Variants in NTF3 observed in about 807,000 individuals in gnomAD.
NTF3 encodes the protein neurotrophin-3.
Under a neutral mutation model 26.3 loss-of-function variants are expected in NTF3, and 8 were observed. The observed-to-expected ratio is 0.30, with a 90% CI of 0.18 to 0.55. The LOEUF (loss-of-function observed/expected upper bound fraction) is 0.55, where lower values mean the gene tolerates loss of function less well. NTF3 is among the 20% of genes least tolerant of loss of function. The pLI is 0.93. For missense variants in NTF3, 276 were observed against 352.9 expected (o/e 0.78, Z 1.75); for synonymous variants, 154 against 145.5 (o/e 1.06, Z -0.42).
At chr12:5,451,450 C>A (rs1425564305) in intron 1 of NTF3, among the ~76,000 whole-genome samples, 1 of 152,140 alleles carries the variant, frequency 6.6e-6, no homozygotes. Context: ...AACAGCTAAG[C>A]CTTTGGGGAT....
rs1010219103 is a variant in NTF3 at position 5,456,477 on chromosome 12, G to C, written c.18+24135G>C. ...AAGAGTACTTAATCCATCCCCACTT[G>C]TGGGGCCAACGGCACCTAACCACCT... is the stretch of plus-strand genomic sequence containing the variant. On this transcript the variant is annotated intron_variant, in intron 1 of 1. Transcript: ENST00000423158. The surrounding 1 kb of genome is among the most constrained non-coding windows in gnomAD (Gnocchi z 4.4). 4.6e-5 allele frequency among the ~76,000 whole-genome samples: 7 copies of C among 152,108 alleles called. No homozygotes were observed. Among genetic ancestry groups the C allele is most frequent in the African/African-American group, 1.7e-4 (7 of 41,408 alleles).
At chr12:5,493,069 G>A (rs1487681863) in intron 1 of NTF3, among the ~76,000 whole-genome samples, 1 of 152,192 alleles carries the variant, frequency 6.6e-6, no homozygotes, top group Non-Finnish European at 1.5e-5. Flanking sequence ...TCTCAAGGAG[G>A]TGGACGAATT....
intron 1 of NTF3, among the ~76,000 whole-genome samples, chr12:5,463,292 ACTGT>A (rs1410591028): frequency 6.6e-6 from 1 of 152,220 alleles, no homozygotes; most frequent in Non-Finnish European, 1.5e-5. Context: ...TTCTGAATCA[ACTGT>A]CTTTTTTCTG....
chr12:5,468,927 C>G lies in NTF3; in HGVS notation c.19-25267C>G, dbSNP rs974322444. On this transcript the variant is annotated intron_variant, in intron 1 of 1. Transcript: ENST00000423158. ...CTTTAGCCCAGGAGTAAGAGACCAG[C>G]CTGGGCAACATGGCAAAACCCCATC... Among the ~76,000 whole-genome samples, 10 of 152,102 alleles carry G rather than the reference C, an allele frequency of 6.6e-5. No individual in the cohort carries two copies. In the South Asian group the frequency reaches 2.1e-3, roughly 32 times the overall value.
intron 1 of NTF3, among the ~76,000 whole-genome samples, chr12:5,462,764 A>T (rs1453975229): frequency 6.6e-6 from 1 of 152,188 alleles, no homozygotes; most frequent in Non-Finnish European, 1.5e-5. Context: ...CTTCCTTGTT[A>T]CCCTGGAAGG....
chr12:5,478,448 C>A (rs1331270946), intron 1 of NTF3, among the ~76,000 whole-genome samples: 1 of 151,082 alleles, frequency 6.6e-6, no homozygotes, highest in Non-Finnish European at 1.5e-5. Flanking sequence ...ATGTCCAGAC[C>A]CTTCCGTCTG....
chr12:5,466,257 T>TGC (rs1940587532), intron 1 of NTF3, among the ~76,000 whole-genome samples: 1 of 152,206 alleles, frequency 6.6e-6, no homozygotes, highest in Non-Finnish European at 1.5e-5. Flanking sequence ...CCTAAACGGC[T>TGC]AACCCAAGTC....
chr12:5,475,906 A>C (rs1940717725), intron 1 of NTF3, among the ~76,000 whole-genome samples: 1 of 139,708 alleles, frequency 7.2e-6, no homozygotes, highest in Non-Finnish European at 1.7e-5. Context: ...AAGAGAAAGA[A>C]AGAAAGAAAG....
chr12:5,434,446 AG>A (rs1441473537), intron 1 of NTF3, among the ~76,000 whole-genome samples: 3 of 150,504 alleles, frequency 2.0e-5, no homozygotes, highest in Non-Finnish European at 4.4e-5. Flanking sequence ...GTGAGTGGTC[AG>A]GGAGGGATGG....
In NTF3 at chr12:5,457,711, T is replaced by G. The variant is rs537657790; in HGVS notation, c.18+25369T>G. ...TGTCTTTGTAGGCTCCTAAACTCAG[T>G]GTATGCTAAGCTGAACAGGGGCTCC... is the stretch of plus-strand genomic sequence containing the variant. On this transcript the variant is annotated intron_variant, in intron 1 of 1. Coordinates refer to ENST00000423158, the MANE Select transcript of NTF3 (RefSeq NM_001102654.2). Among the ~76,000 whole-genome samples the G allele has an allele frequency of 3.3e-5, 5 of 152,316 alleles. No individual in the cohort carries two copies. The South Asian group carries it at 1.0e-3, about 32-fold the overall frequency.
chr12:5,492,439 G>A (rs1216050870), intron 1 of NTF3, among the ~76,000 whole-genome samples: 2 of 152,180 alleles, frequency 1.3e-5, no homozygotes, highest in Non-Finnish European at 2.9e-5. Context: ...TGTAATCCTA[G>A]TTGTATGCCA....
At chr12:5,482,854 C>T (rs1940823875) in intron 1 of NTF3, among the ~76,000 whole-genome samples, 2 of 150,940 alleles carry the variant, frequency 1.3e-5, no homozygotes, top group African/African-American at 2.4e-5. Context: ...CTCTTTATCT[C>T]TCTGTCTCTC....
At chr12:5,467,928 A>C (rs1940613262) in intron 1 of NTF3, among the ~76,000 whole-genome samples, 1 of 151,974 alleles carries the variant, frequency 6.6e-6, no homozygotes, top group South Asian at 2.1e-4. Context: ...AATAATTCTC[A>C]TTCCCTTTCC....
At chr12:5,435,782 G>T (rs1359214421) in intron 1 of NTF3, among the ~76,000 whole-genome samples, 5 of 152,086 alleles carry the variant, frequency 3.3e-5, no homozygotes, top group Admixed American at 6.6e-5. Context: ...ATGTTTTCTG[G>T]GCTACGAGTG....
intron 1 of NTF3, among the ~76,000 whole-genome samples, chr12:5,467,477 A>G (rs1384517521): frequency 1.3e-5 from 2 of 152,200 alleles, no homozygotes; most frequent in African/African-American, 2.4e-5. Context: ...TCCTCCCCAT[A>G]TCTAACTTAC....
At chr12:5,432,489 G>A in intron 1 of NTF3, 147 bp downstream of exon 1, 1 of 944,436 alleles carries the variant, frequency 1.1e-6, no homozygotes, top group Non-Finnish European at 1.6e-6. Context: ...ACTTTCCCGG[G>A]CTTGTGTCTT....
rs1204507578 is a variant in NTF3, at chr12:5,456,576, C to A, written c.18+24234C>A. ...GAAAGGGTCTGCATTCTGTTTGCAG[C>A]CCTGATCGTGAGCTCTGGGGGTCCT... On this transcript the variant is annotated intron_variant, in intron 1 of 1. Transcript: ENST00000423158. This position sits in a 1 kb window ranked among gnomAD's most constrained non-coding sequence, Gnocchi z 4.4. 6.6e-6 allele frequency among the ~76,000 whole-genome samples: 1 copy of A among 152,104 alleles called. No individual in the cohort carries two copies. Among genetic ancestry groups the A allele is most frequent in the African/African-American group, 2.4e-5 (1 of 41,426 alleles).
intron 1 of NTF3, among the ~76,000 whole-genome samples, chr12:5,466,302 C>T (rs554363102): frequency 2.6e-5 from 4 of 152,150 alleles, no homozygotes; most frequent in South Asian, 4.1e-4. Flanking sequence ...TGCACTGTGG[C>T]GAGAGCAGCT....
chr12:5,447,310 G>A (rs893195471), intron 1 of NTF3, among the ~76,000 whole-genome samples: 1 of 152,188 alleles, frequency 6.6e-6, no homozygotes, highest in East Asian at 1.9e-4. Flanking sequence ...GCAAGAAAGC[G>A]TGAATTGAGT....
Sources: gnomAD v4.1 joint callset for allele counts (sites outside exome capture counted in the v4.1 genomes callset) on GRCh38, gnomAD v4.1.1 for gene constraint, Gnocchi (gnomAD v3.1) non-coding constraint, MANE v1.5 for transcripts, NCBI Gene and HGNC (gene_info 2026-07-23, HGNC 2026-07-21) for gene names.